PRICKLE2: variants seen among roughly 807,000 people sequenced by gnomAD.
PRICKLE2 encodes prickle-like protein 2.
In PRICKLE2, 21 loss-of-function variants were observed where a neutral mutation model predicts 81.4. That is an observed-to-expected ratio of 0.26 (90% CI 0.18 to 0.37). The LOEUF is 0.37. Among genes scored for constraint, PRICKLE2 ranks in the 10% least tolerant of loss-of-function variants. PRICKLE2 has a pLI of 1.00. For synonymous variants in PRICKLE2, 456 were observed against 421.5 expected (o/e 1.08, Z -1.00); for missense variants, 940 against 1,109.0 (o/e 0.85, Z 2.16).
chr3:64,235,999 C>T (rs140578360), intron 2 of PRICKLE2, among the ~76,000 whole-genome samples: 11 of 152,212 alleles, frequency 7.2e-5, no homozygotes, highest in South Asian at 2.1e-4. Flanking sequence ...GGTTAAAATG[C>T]CATAGACTCT....
At chr3:64,177,511 C>T (rs1374467039) in intron 2 of PRICKLE2, among the ~76,000 whole-genome samples, 1 of 152,030 alleles carries the variant, frequency 6.6e-6, no homozygotes, top group Non-Finnish European at 1.5e-5. Flanking sequence ...ACCACTATCT[C>T]GTCACAAAAC....
chr3:64,115,731 C>G (rs541085656), intron 7 of PRICKLE2, among the ~76,000 whole-genome samples: 1 of 152,290 alleles, frequency 6.6e-6, no homozygotes, highest in East Asian at 1.9e-4. Context: ...GAGATTTAGA[C>G]TCCCACACAA....
intron 7 of PRICKLE2, chr3:64,142,023 T>C (rs2077369984): frequency 7.0e-6 from 6 of 863,212 alleles, no homozygotes; most frequent in Non-Finnish European, 8.3e-6. Flanking sequence ...TCTAGCAAAA[T>C]TCAAATGTAA....
At chr3:64,253,425 C>G (rs1297375677) in intron 2 of PRICKLE2, among the ~76,000 whole-genome samples, 1 of 152,148 alleles carries the variant, frequency 6.6e-6, no homozygotes, top group Non-Finnish European at 1.5e-5. Flanking sequence ...TCACCCTACC[C>G]ACTTCCCCAG....
chr3:64,228,593 T>G (rs2079060703), upstream of PRICKLE2, among the ~76,000 whole-genome samples: 1 of 152,132 alleles, frequency 6.6e-6, no homozygotes, highest in South Asian at 2.1e-4. Flanking sequence ...AAAAACTACT[T>G]TAAAAATTTC....
At chr3:64,128,066 T>C (rs2077138016) in intron 7 of PRICKLE2, among the ~76,000 whole-genome samples, 1 of 152,036 alleles carries the variant, frequency 6.6e-6, no homozygotes, top group Non-Finnish European at 1.5e-5. Context: ...TTTGCAGCAG[T>C]TGGGGGTTGC....
chr3:64,118,528 G>A (rs1354637201), intron 7 of PRICKLE2, among the ~76,000 whole-genome samples: 2 of 152,052 alleles, frequency 1.3e-5, no homozygotes, highest in African/African-American at 4.8e-5. Context: ...CCATTAAAAA[G>A]TGGGCAAAGA....
chr3:64,172,996 CTG>C (rs1262571579), intron 2 of PRICKLE2, among the ~76,000 whole-genome samples: 2 of 152,172 alleles, frequency 1.3e-5, no homozygotes, highest in African/African-American at 2.4e-5. Flanking sequence ...GCCACCCAGT[CTG>C]TGCTATTCTG....
intron 7 of PRICKLE2, among the ~76,000 whole-genome samples, chr3:64,124,499 A>C (rs1170085949): frequency 6.6e-6 from 1 of 152,174 alleles, no homozygotes; most frequent in East Asian, 1.9e-4. Flanking sequence ...TAAAGAGGAG[A>C]ACTCAATGCC....
At chr3:64,102,141 G>T (rs1221076037) in intron 7 of PRICKLE2, 2 of 152,236 alleles carry the variant, frequency 1.3e-5, no homozygotes, top group African/African-American at 4.8e-5. Context: ...AAGACTGAGA[G>T]AATGTTCTAG....
rs1286954284 is a variant in PRICKLE2, at chr3:64,097,620, CAG to C, written c.*1429_*1430del. The C allele has an allele frequency of 1.3e-5, 2 of 152,620 alleles. No individual in the cohort carries two copies. Among genetic ancestry groups the C allele is most frequent in the Admixed American group, 6.5e-5 (1 of 15,280 alleles). 9.5% of individuals were successfully genotyped at this position (152,620 alleles called of 1,614,324 possible). A position where few individuals can be genotyped will look rare whatever the true frequency, so the allele number is the denominator to read the frequency against. On this transcript the variant is annotated 3_prime_UTR_variant, in exon 8 of 8. Transcript: ENST00000638394. ...ACTTTTGAGCCCATTTTCTGACCAACAGTCCTCAAAGTTCAAAATGGAAATAC... is the reference window on the plus strand; with the variant it reads ...ACTTTTGAGCCCATTTTCTGACCAACTCCTCAAAGTTCAAAATGGAAATAC...
chr3:64,141,310 T>C (rs374891373), intron 7 of PRICKLE2, among the ~76,000 whole-genome samples: 93 of 152,358 alleles, frequency 6.1e-4, no homozygotes, highest in African/African-American at 1.6e-3. Context: ...GGCCTTGGGC[T>C]ATTCAGCCTC....
At chr3:64,161,715 T>TAAAAAAAAAAA (rs10715000) in intron 3 of PRICKLE2, among the ~76,000 whole-genome samples, 1 of 118,046 alleles carries the variant, frequency 8.5e-6, no homozygotes, top group Non-Finnish European at 1.8e-5. Flanking sequence ...TAAAAAGAGT[T>TAAAAAAAAAAA]AAAAAAAAAA....
intron 7 of PRICKLE2, among the ~76,000 whole-genome samples, chr3:64,113,342 G>A (rs2076881196): frequency 6.6e-6 from 1 of 152,150 alleles, no homozygotes; most frequent in African/African-American, 2.4e-5. Flanking sequence ...CATCAGATGG[G>A]GCTGGTCTGA....
chr3:64,254,244 T>C (rs907949089), intron 2 of PRICKLE2, among the ~76,000 whole-genome samples: 6 of 152,336 alleles, frequency 3.9e-5, no homozygotes, highest in African/African-American at 1.4e-4. Context: ...ATTTTATTTA[T>C]GAGCTTGATT....
intron 2 of PRICKLE2, among the ~76,000 whole-genome samples, chr3:64,181,711 A>G (rs1201920438): frequency 6.6e-6 from 1 of 152,210 alleles, no homozygotes; most frequent in Non-Finnish European, 1.5e-5. Context: ...TGAAGGGAGC[A>G]AAGATGTGTG....
chr3:64,138,757 C>T (rs1266540344), intron 7 of PRICKLE2, among the ~76,000 whole-genome samples: 2 of 152,194 alleles, frequency 1.3e-5, no homozygotes, highest in African/African-American at 2.4e-5. Context: ...ATGGATAGGA[C>T]TCAAGGTTGT....
At chr3:64,187,101 C>T (rs2078247660) in intron 2 of PRICKLE2, among the ~76,000 whole-genome samples, 1 of 152,222 alleles carries the variant, frequency 6.6e-6, no homozygotes, top group South Asian at 2.1e-4. Context: ...AATCTGCACG[C>T]AAGCCTTGAC....
At chr3:64,160,211 A>G in intron 3 of PRICKLE2, 134 bp from the exon 4 acceptor site, 1 of 924,110 alleles carries the variant, frequency 1.1e-6, no homozygotes, top group Non-Finnish European at 1.7e-6. Flanking sequence ...TTTAACCACA[A>G]CAGCCTTGGA....
Sources: gnomAD v4.1 joint callset for allele counts (sites outside exome capture counted in the v4.1 genomes callset) on GRCh38, gnomAD v4.1.1 for gene constraint, MANE v1.5 for transcripts, NCBI Gene and HGNC (gene_info 2026-07-23, HGNC 2026-07-21) for gene names.